GNAL: variants seen among roughly 807,000 people sequenced by gnomAD.
GNAL encodes G protein subunit alpha L.
GNAL carries 18 observed loss-of-function variants against 55.1 expected under a neutral mutation model. That is an observed-to-expected ratio of 0.33 (90% CI 0.23 to 0.48). The LOEUF (loss-of-function observed/expected upper bound fraction) is 0.48. GNAL is among the 20% of genes least tolerant of loss of function. The pLI is 0.99. For missense variants in GNAL, 412 were observed against 614.1 expected (o/e 0.67, Z 3.48); for synonymous variants, 253 against 237.0 (o/e 1.07, Z -0.62).
At chr18:11,834,690 C>T (rs766041434) in intron 5 of GNAL, among the ~76,000 whole-genome samples, 1 of 152,174 alleles carries the variant, frequency 6.6e-6, no homozygotes, top group Non-Finnish European at 1.5e-5. Flanking sequence ...TGCATTCCAG[C>T]CAGGACAACA....
Position 11,885,515 on chromosome 18 carries a change from G to T in GNAL, c.*4380G>T. ...TGTCATGCTGATTGGTTCCCGGAAG[G>T]GTGTTTGGCAAGGGGCAGTGTATGG... On this transcript the variant is annotated 3_prime_UTR_variant, in exon 12 of 12. Coordinates refer to ENST00000334049, the MANE Select transcript of GNAL (RefSeq NM_182978.4). The T allele has an allele frequency of 1.2e-6, 1 of 801,756 alleles. No homozygotes were observed. The highest frequency in any genetic ancestry group is 2.0e-6 in the Non-Finnish European group (1 of 509,060). 49.7% of individuals were successfully genotyped at this position (801,756 alleles called of 1,614,324 possible).
intron 4 of GNAL, among the ~76,000 whole-genome samples, chr18:11,813,546 C>T (rs76183959): frequency 0.017 from 2,551 of 152,088 alleles, 75 homozygotes; most frequent in African/African-American, 0.059. Context: ...TTAGAATAGC[C>T]GAAACAATGT....
In GNAL at chr18:11,885,073, A is replaced by G. The variant is rs1252730474; in HGVS notation, c.*3938A>G. On this transcript the variant is annotated 3_prime_UTR_variant, in exon 12 of 12. Transcript: ENST00000334049. Reference sequence around the variant, plus strand: ...AAATACATGTGTCCAGGTCGTCTCCATGGGCTTTTCTTTGCAGATACTTTT... The same window carrying G: ...AAATACATGTGTCCAGGTCGTCTCCGTGGGCTTTTCTTTGCAGATACTTTT... 1 of 1,279,688 alleles carries G rather than the reference A, an allele frequency of 7.8e-7. No homozygotes were observed. The highest frequency in any genetic ancestry group is 1.0e-6 in the Non-Finnish European group (1 of 986,014). 79.3% of individuals were successfully genotyped at this position (1,279,688 alleles called of 1,614,324 possible). A position where few individuals can be genotyped will look rare whatever the true frequency, so the allele number is the denominator to read the frequency against.
At chr18:11,740,607 A>G (rs986013841) in intron 1 of GNAL, among the ~76,000 whole-genome samples, 20 of 152,310 alleles carry the variant, frequency 1.3e-4, no homozygotes, top group East Asian at 9.7e-4. Flanking sequence ...CCATCCCCAC[A>G]GGCCTCTTGC....
chr18:11,828,783 G>A (rs2035311772), intron 5 of GNAL, among the ~76,000 whole-genome samples: 1 of 152,178 alleles, frequency 6.6e-6, no homozygotes, highest in Non-Finnish European at 1.5e-5. Context: ...TTGGCAATAG[G>A]CAGATCGGAA....
Position 11,766,805 on chromosome 18 carries a change from G to A in GNAL, c.624+12860G>A, listed in dbSNP as rs144991765. On this transcript the variant is annotated intron_variant, in intron 4 of 11. Coordinates refer to ENST00000334049, the MANE Select transcript of GNAL (RefSeq NM_182978.4). ...CCATGAAATACTGGTGTTTTAAAGCGTAGAAGCTGCAGACTTCCTCACTGA... is the reference window on the plus strand; with the variant it reads ...CCATGAAATACTGGTGTTTTAAAGCATAGAAGCTGCAGACTTCCTCACTGA... Among the ~76,000 whole-genome samples, 46 of 152,316 alleles carry A rather than the reference G, an allele frequency of 3.0e-4. No homozygotes were observed. The East Asian group carries it at 7.1e-3, about 24-fold the overall frequency.
At chr18:11,796,540 C>T (rs1263290153) in intron 4 of GNAL, among the ~76,000 whole-genome samples, 1 of 143,100 alleles carries the variant, frequency 7.0e-6, no homozygotes, top group Non-Finnish European at 1.5e-5. Context: ...AGCCACTGCA[C>T]TCCAGCCTGG....
rs529067029 is a variant in GNAL, at chr18:11,703,401, G to A, written c.376+13462G>A. 1.4e-4 allele frequency among the ~76,000 whole-genome samples: 22 copies of A among 152,280 alleles called. No homozygotes were observed. In the South Asian group the frequency reaches 3.3e-3, roughly 23 times the overall value. ...CTCTTTTTTAAGAAAATATAGAAAC[G>A]TGTTATTTGTTATAGGTTTTCATTG... On this transcript the variant is annotated intron_variant, in intron 1 of 11. Transcript: ENST00000334049.
intron 1 of GNAL, among the ~76,000 whole-genome samples, chr18:11,715,379 T>A (rs2031935875): frequency 6.9e-6 from 1 of 145,232 alleles, no homozygotes; most frequent in Non-Finnish European, 1.5e-5. Flanking sequence ...GAGAATGGCA[T>A]GAACCCGGGA....
At chr18:11,862,296 A>G (rs1319517022) in intron 5 of GNAL, 99 bp from the exon 6 acceptor site, 1 of 849,976 alleles carries the variant, frequency 1.2e-6, no homozygotes, top group Non-Finnish European at 2.0e-6. Flanking sequence ...GCCTGCCCCC[A>G]TCCTTGCTGT....
chr18:11,791,857 T>C (rs1197148622), intron 4 of GNAL, among the ~76,000 whole-genome samples: 2 of 152,130 alleles, frequency 1.3e-5, no homozygotes, highest in African/African-American at 4.8e-5. Flanking sequence ...CTCCCGAGGG[T>C]CTGCACCACA....
intron 1 of GNAL, among the ~76,000 whole-genome samples, chr18:11,728,602 A>C (rs7229155): frequency 0.032 from 4,930 of 152,226 alleles, 242 homozygotes; most frequent in African/African-American, 0.11. Flanking sequence ...TCTTGTCCCA[A>C]ACCTCAAAGT....
Position 11,740,375 on chromosome 18 carries a change from G to A in GNAL, c.377-12478G>A, listed in dbSNP as rs142522563. Among the ~76,000 whole-genome samples the A allele has an allele frequency of 5.3e-3, 810 of 152,200 alleles. 9 individuals carry two copies. The highest frequency in any genetic ancestry group is 0.018 in the African/African-American group (762 of 41,528). On this transcript the variant is annotated intron_variant, in intron 1 of 11. Coordinates refer to ENST00000334049, the MANE Select transcript of GNAL (RefSeq NM_182978.4). Reference sequence around the variant, plus strand: ...CCCAGTTAGCTATTTCTCTAAGGATGACCAAGATCTGGGTACCGTCCCTGC... The same window carrying A: ...CCCAGTTAGCTATTTCTCTAAGGATAACCAAGATCTGGGTACCGTCCCTGC...
chr18:11,790,020 G>T (rs575929506), intron 4 of GNAL, among the ~76,000 whole-genome samples: 8 of 152,230 alleles, frequency 5.3e-5, no homozygotes, highest in East Asian at 1.9e-4. Context: ...TGAGAAGAAA[G>T]TTCCAGGAAG....
chr18:11,699,467 A>T (rs1159845447), intron 1 of GNAL, among the ~76,000 whole-genome samples: 3 of 151,836 alleles, frequency 2.0e-5, no homozygotes, highest in Non-Finnish European at 2.9e-5. Context: ...CACCTGCCTC[A>T]GCCTCCTAAA....
chr18:11,864,083 G>GTTTTTT (rs2036206704), intron 6 of GNAL, among the ~76,000 whole-genome samples: 1 of 140,062 alleles, frequency 7.1e-6, no homozygotes, highest in African/African-American at 3.0e-5. Context: ...ATTCGTCTGA[G>GTTTTTT]TTCTTTTTTT....
chr18:11,785,589 T>C (rs1021397078), intron 4 of GNAL, among the ~76,000 whole-genome samples: 9 of 152,240 alleles, frequency 5.9e-5, no homozygotes, highest in Admixed American at 5.2e-4. Flanking sequence ...CCATCCAGCC[T>C]TTCAGAGTTT....
chr18:11,843,479 C>T (rs952392554), intron 5 of GNAL, among the ~76,000 whole-genome samples: 2 of 150,980 alleles, frequency 1.3e-5, no homozygotes, highest in Non-Finnish European at 2.9e-5. Flanking sequence ...GAGCTGAGAT[C>T]GCACCACTGC....
At chr18:11,765,065 A>C (rs2033362472) in intron 4 of GNAL, among the ~76,000 whole-genome samples, 1 of 152,240 alleles carries the variant, frequency 6.6e-6, no homozygotes, top group Admixed American at 6.5e-5. Context: ...GGAGATGGTG[A>C]GGCTGCTTTG....
Sources: allele counts gnomAD v4.1 joint callset (sites outside exome capture counted in the v4.1 genomes callset), GRCh38; gene constraint gnomAD v4.1.1; transcripts MANE v1.5; gene names NCBI Gene and HGNC (gene_info 2026-07-23, HGNC 2026-07-21).